Variants in POLN observed in about 807,000 individuals in gnomAD.
POLN encodes the protein DNA polymerase N.
A neutral mutation model predicts 113.5 loss-of-function variants in POLN; 108 were observed. The ratio of observed to expected loss-of-function variants is 0.95; its 90% CI spans 0.81 to 1.12. POLN has a LOEUF of 1.12. Among genes scored for constraint, POLN ranks in the 50% most tolerant of loss-of-function variants. POLN has a pLI of 0.00. For synonymous variants in POLN, 386 were observed against 391.5 expected (o/e 0.99, Z 0.17); for missense variants, 1,097 against 1,077.1 (o/e 1.02, Z -0.26).
chr4:2,156,880 A>C, intron 15 of POLN, 27 bp from the exon 16 acceptor site: 1 of 1,549,436 alleles, frequency 6.5e-7, no homozygotes, highest in Non-Finnish European at 8.9e-7. Context: ...GAATCAGTGT[A>C]AACTCCAGCA....
At chr4:2,165,104 T>C (rs970128199) in intron 13 of POLN, among the ~76,000 whole-genome samples, 6 of 152,216 alleles carry the variant, frequency 3.9e-5, no homozygotes, top group African/African-American at 7.2e-5. Flanking sequence ...TGAAAATTTA[T>C]GTCCACCTAA....
chr4:2,166,324 T>C (rs954670105), intron 13 of POLN, among the ~76,000 whole-genome samples: 6 of 152,212 alleles, frequency 3.9e-5, no homozygotes, highest in African/African-American at 1.4e-4. Context: ...GCATAGGCAC[T>C]TCCTGATCTT....
At chr4:2,225,489 G>C (rs572372182) in intron 3 of POLN, among the ~76,000 whole-genome samples, 2 of 151,370 alleles carry the variant, frequency 1.3e-5, no homozygotes, top group Admixed American at 6.6e-5. Flanking sequence ...CAGGAGGGGG[G>C]GTTGCAGTGA....
intron 16 of POLN, among the ~76,000 whole-genome samples, chr4:2,138,584 G>A (rs762382820): frequency 1.3e-5 from 2 of 152,268 alleles, no homozygotes; most frequent in East Asian, 1.9e-4. Flanking sequence ...TAGCTCAGAG[G>A]AGAAGCCAAA....
At chr4:2,079,210 T>C (rs34212823) in intron 23 of POLN, 3 of 194,844 alleles carry the variant, frequency 1.5e-5, no homozygotes, top group Non-Finnish European at 2.8e-5. Flanking sequence ...GGATTACAGG[T>C]GTGAGCCACT....
chr4:2,198,828 T>C lies in POLN; in HGVS notation c.715-111A>G, dbSNP rs1266354189. 4 of 1,041,566 alleles carry C rather than the reference T, an allele frequency of 3.8e-6. No homozygotes were observed. In the African/African-American group the frequency reaches 6.5e-5, roughly 17 times the overall value. 64.5% of individuals were successfully genotyped at this position (1,041,566 alleles called of 1,614,324 possible). A position where few individuals can be genotyped will look rare whatever the true frequency, so the allele number is the denominator to read the frequency against. ...GAGAAAAGGCCTAAAATTAAACTTG[T>C]AAATGAATAGTTTTTTAATGACAAT... On this transcript the variant is annotated intron_variant, in intron 5 of 25. Transcript: ENST00000511885.
intron 16 of POLN, among the ~76,000 whole-genome samples, chr4:2,133,160 A>AAAAT (rs1553896584): frequency 4.0e-4 from 61 of 151,640 alleles, no homozygotes; most frequent in Admixed American, 3.2e-3. Flanking sequence ...AAAAAAAAAA[A>AAAAT]AAATAACATG....
chr4:2,128,289 G>T (rs549050301), intron 18 of POLN, 62 bp from the exon 19 acceptor site: 4 of 1,059,250 alleles, frequency 3.8e-6, no homozygotes, highest in Non-Finnish European at 5.7e-6. Flanking sequence ...TGTTTGCTGC[G>T]CACCCCGGCC....
At chr4:2,104,173 C>T (rs1730992345) in intron 19 of POLN, among the ~76,000 whole-genome samples, 1 of 152,200 alleles carries the variant, frequency 6.6e-6, no homozygotes, top group South Asian at 2.1e-4. Context: ...AAACAATTAG[C>T]AATATGACAG....
chr4:2,198,478 G>T (rs1733632713), intron 6 of POLN, 46 bp downstream of exon 6: 1 of 1,500,776 alleles, frequency 6.7e-7, no homozygotes, highest in Non-Finnish European at 9.0e-7. Context: ...TTAGTATAAA[G>T]CAGGCATGTA....
intron 2 of POLN, among the ~76,000 whole-genome samples, chr4:2,234,047 G>T (rs1734672139): frequency 6.6e-6 from 1 of 151,588 alleles, no homozygotes; most frequent in Non-Finnish European, 1.5e-5. Context: ...TTGTTCAAGA[G>T]CAAACAAAAG....
chr4:2,089,784 A>G, intron 20 of POLN: 1 of 751,930 alleles, frequency 1.3e-6, no homozygotes, highest in Non-Finnish European at 2.2e-6. Context: ...CTTTGAATGC[A>G]GAATCATCTT....
intron 6 of POLN, among the ~76,000 whole-genome samples, chr4:2,195,862 G>T (rs1398946138): frequency 6.6e-6 from 1 of 152,182 alleles, no homozygotes; most frequent in East Asian, 1.9e-4. Flanking sequence ...TGGAAGAAAT[G>T]ATAGAATTAG....
chr4:2,080,923 C>T (rs2108689214), intron 23 of POLN, 35 bp downstream of exon 23: 1 of 1,613,580 alleles, frequency 6.2e-7, no homozygotes, highest in Non-Finnish European at 8.5e-7. Flanking sequence ...TACTAACCCT[C>T]CCATCCAAGC....
At chr4:2,080,091 C>G in intron 23 of POLN, 1 of 985,498 alleles carries the variant, frequency 1.0e-6, no homozygotes, top group Non-Finnish European at 1.2e-6. Context: ...GCGAGGGGCC[C>G]TTCGGGGACT....
At chr4:2,096,796 G>A (rs1017483667) in intron 19 of POLN, among the ~76,000 whole-genome samples, 12 of 152,066 alleles carry the variant, frequency 7.9e-5, no homozygotes, top group African/African-American at 2.9e-4. Flanking sequence ...ATGGCTTTGT[G>A]CTGGGGCCTC....
At chr4:2,174,060 G>A (rs772103415) in intron 10 of POLN, 41 bp from the exon 11 acceptor site, 1 of 1,594,810 alleles carries the variant, frequency 6.3e-7, no homozygotes, top group East Asian at 2.2e-5. Context: ...TTGCATTAAT[G>A]TATTCTTTTT....
At chr4:2,167,727 C>T (rs1230896317) in intron 13 of POLN, among the ~76,000 whole-genome samples, 1 of 151,392 alleles carries the variant, frequency 6.6e-6, no homozygotes, top group Non-Finnish European at 1.5e-5. Flanking sequence ...GGGGAAACAC[C>T]ATCTCTACTG....
chr4:2,131,255 A>G lies in POLN; in HGVS notation c.1767T>C (p.Ile589=). The change falls in exon 17 of 26, where the codon ATT becomes ATC. Residue 589 remains isoleucine, a synonymous_variant. Coordinates refer to ENST00000511885, the MANE Select transcript of POLN (RefSeq NM_181808.4). ...TACCTTTAAAATTCTTAGGTGTAGT[A>G]ATCTGAATTGGGTGCTTGGAGATAC... ...IQGISKHPIQ[I]TTPKNFKGKE... is the part of the protein sequence containing the mutation. The G allele has an allele frequency of 6.3e-7, 1 of 1,593,674 alleles. No individual in the cohort carries two copies. Among genetic ancestry groups the G allele is most frequent in the Non-Finnish European group, 8.6e-7 (1 of 1,162,832 alleles).
Sources: gnomAD v4.1 joint callset for allele counts (sites outside exome capture counted in the v4.1 genomes callset) on GRCh38, gnomAD v4.1.1 for gene constraint, MANE v1.5 for transcripts, NCBI Gene and HGNC (gene_info 2026-07-23, HGNC 2026-07-21) for gene names.